The following FAM110B variants were observed in gnomAD, a reference collection of about 807,000 sequenced individuals.
FAM110B encodes protein FAM110B.
In FAM110B, 6 loss-of-function variants were observed where a neutral mutation model predicts 20.4. The observed-to-expected ratio is 0.29, with a 90% CI of 0.16 to 0.58. The LOEUF (loss-of-function observed/expected upper bound fraction) is 0.58. Among genes scored for constraint, FAM110B ranks in the 20% least tolerant of loss-of-function variants. The pLI is 0.90. For synonymous variants in FAM110B, 226 were observed against 214.1 expected (o/e 1.06, Z -0.49); for missense variants, 434 against 498.2 (o/e 0.87, Z 1.23).
intron 3 of FAM110B, among the ~76,000 whole-genome samples, chr8:58,084,056 A>G (rs1345829460): frequency 2.0e-5 from 3 of 152,150 alleles, no homozygotes; most frequent in Non-Finnish European, 4.4e-5. Context: ...CTTTGGTTCA[A>G]ACTAGCTCAC....
intron 1 of FAM110B, among the ~76,000 whole-genome samples, chr8:57,995,461 A>T (rs1406630319): frequency 6.6e-6 from 1 of 152,102 alleles, no homozygotes; most frequent in African/African-American, 2.4e-5. Flanking sequence ...AATAGAATTA[A>T]ATTCTCCTTG....
At chr8:58,089,251 ACTCT>A (rs972967922) in intron 3 of FAM110B, among the ~76,000 whole-genome samples, 1 of 152,104 alleles carries the variant, frequency 6.6e-6, no homozygotes, top group Non-Finnish European at 1.5e-5. Flanking sequence ...GAAAATTAGC[ACTCT>A]CTATCAACCT....
intron 1 of FAM110B, among the ~76,000 whole-genome samples, chr8:58,019,426 C>T (rs1233894673): frequency 6.6e-6 from 1 of 150,598 alleles, no homozygotes; most frequent in Non-Finnish European, 1.5e-5. Flanking sequence ...TAAATCCACA[C>T]ATTTGCCATT....
chr8:58,007,374 G>A (rs1400361854), intron 1 of FAM110B, among the ~76,000 whole-genome samples: 3 of 152,150 alleles, frequency 2.0e-5, no homozygotes, highest in Non-Finnish European at 2.9e-5. Flanking sequence ...CCTACCAGAC[G>A]CGGGTGATGC....
intron 3 of FAM110B, among the ~76,000 whole-genome samples, chr8:58,104,214 A>G (rs973365238): frequency 3.3e-5 from 5 of 152,216 alleles, no homozygotes; most frequent in Non-Finnish European, 5.9e-5. Context: ...AAGGGACACT[A>G]TAGTTCCACC....
chr8:58,001,724 T>G (rs940309586), intron 1 of FAM110B, among the ~76,000 whole-genome samples: 4 of 152,142 alleles, frequency 2.6e-5, no homozygotes, highest in African/African-American at 9.7e-5. Flanking sequence ...AGCAAATACC[T>G]TTATACGTTT....
intron 3 of FAM110B, among the ~76,000 whole-genome samples, chr8:58,144,256 C>T (rs529607725): frequency 1.8e-4 from 27 of 152,204 alleles, no homozygotes; most frequent in Non-Finnish European, 2.5e-4. Context: ...CATCCTGGCC[C>T]AGGCTCTGCT....
At chr8:58,089,871 T>G (rs200811027) in intron 3 of FAM110B, among the ~76,000 whole-genome samples, 1 of 152,368 alleles carries the variant, frequency 6.6e-6, no homozygotes, top group Non-Finnish European at 1.5e-5. Flanking sequence ...TCTAGAAAAT[T>G]GTATCCTTTA....
At chr8:58,120,182 T>C (rs753939086) in intron 3 of FAM110B, among the ~76,000 whole-genome samples, 5 of 152,242 alleles carry the variant, frequency 3.3e-5, no homozygotes, top group Non-Finnish European at 7.3e-5. Flanking sequence ...TTTTTTTTTA[T>C]TATTTCAAAT....
intron 3 of FAM110B, among the ~76,000 whole-genome samples, chr8:58,126,759 A>T (rs946996322): frequency 2.0e-5 from 3 of 151,972 alleles, no homozygotes; most frequent in African/African-American, 7.3e-5. Flanking sequence ...TGGTTTTTTT[A>T]AAGTTGAGTT....
intron 1 of FAM110B, among the ~76,000 whole-genome samples, chr8:58,017,097 A>C (rs559539794): frequency 5.9e-5 from 9 of 152,188 alleles, no homozygotes; most frequent in Non-Finnish European, 1.3e-4. Context: ...TGGAGATGCT[A>C]GTGTGGTAGG....
chr8:58,084,321 C>T (rs1458543736), intron 3 of FAM110B, among the ~76,000 whole-genome samples: 3 of 151,852 alleles, frequency 2.0e-5, no homozygotes, highest in Admixed American at 2.0e-4. Context: ...AATTTCATTT[C>T]TAATTTATGT....
At chr8:58,103,360 C>T (rs28633864) in intron 3 of FAM110B, among the ~76,000 whole-genome samples, 6,990 of 146,372 alleles carry the variant, frequency 0.048, 561 homozygotes, top group African/African-American at 0.16. Flanking sequence ...GTGTGATGTT[C>T]CCCTTCCTGT....
chr8:58,036,282 C>T (rs530814539), intron 2 of FAM110B, among the ~76,000 whole-genome samples: 10 of 152,270 alleles, frequency 6.6e-5, no homozygotes, highest in South Asian at 2.1e-4. Context: ...AACAGTATTA[C>T]GCCTGAATTT....
intron 2 of FAM110B, among the ~76,000 whole-genome samples, chr8:58,070,968 T>G (rs76422434): frequency 2.6e-3 from 391 of 152,306 alleles, no homozygotes; most frequent in African/African-American, 8.7e-3. Context: ...CAGAGATATT[T>G]AAAGTGTATA....
At chr8:58,072,842 G>A (rs1286872432) in intron 2 of FAM110B, among the ~76,000 whole-genome samples, 1 of 152,188 alleles carries the variant, frequency 6.6e-6, no homozygotes, top group Non-Finnish European at 1.5e-5. Context: ...TGAAAAATAT[G>A]ATGTGCCGCA....
chr8:58,101,716 C>T (rs1806784790), intron 3 of FAM110B, among the ~76,000 whole-genome samples: 1 of 152,036 alleles, frequency 6.6e-6, no homozygotes, highest in Admixed American at 6.5e-5. Flanking sequence ...TGGTACTCTG[C>T]TGCACTGTAA....
intron 3 of FAM110B, among the ~76,000 whole-genome samples, chr8:58,098,454 A>G (rs945798854): frequency 3.3e-5 from 5 of 152,180 alleles, no homozygotes; most frequent in Admixed American, 2.0e-4. Flanking sequence ...AAGAATTTCA[A>G]GCCAGTGGAT....
intron 3 of FAM110B, among the ~76,000 whole-genome samples, chr8:58,143,312 TG>T (rs984835489): frequency 1.4e-4 from 22 of 152,226 alleles, no homozygotes; most frequent in Admixed American, 7.2e-4. Flanking sequence ...AAGATGAAGT[TG>T]TTTTTTTTCC....
Sources: allele counts gnomAD v4.1 joint callset (sites outside exome capture counted in the v4.1 genomes callset), GRCh38; gene constraint gnomAD v4.1.1; transcripts MANE v1.5; gene names NCBI Gene and HGNC (gene_info 2026-07-23, HGNC 2026-07-21).